The following COA1 variants were observed in gnomAD, a reference collection of about 807,000 sequenced individuals.
The protein encoded by COA1 is cytochrome c oxidase assembly factor 1 homolog.
A neutral mutation model predicts 16.0 loss-of-function variants in COA1; 13 were observed. The observed-to-expected ratio is 0.81, with a 90% CI of 0.53 to 1.29. The LOEUF (loss-of-function observed/expected upper bound fraction) is 1.29. Ranked by LOEUF, COA1 falls within the 50% of genes most tolerant of loss-of-function variation. The pLI is 0.00. For missense variants in COA1, 179 were observed against 177.0 expected, an observed-to-expected ratio of 1.01 and a Z score of -0.06; for synonymous variants, 65 against 65.7, an observed-to-expected ratio of 0.99 and a Z score of 0.05.
intron 1 of COA1, among the ~76,000 whole-genome samples, chr7:43,678,826 G>A (rs1399969378): frequency 2.6e-5 from 4 of 152,308 alleles, no homozygotes; most frequent in African/African-American, 7.2e-5. Context: ...TGGCTAGAAT[G>A]TGGAGAAACT....
chr7:43,724,232 C>T (rs1012647469), intron 1 of COA1, among the ~76,000 whole-genome samples: 19 of 152,026 alleles, frequency 1.2e-4, no homozygotes, highest in Non-Finnish European at 2.9e-5. Flanking sequence ...TCCAGCAATT[C>T]CACTTCTGGA....
intron 1 of COA1, among the ~76,000 whole-genome samples, chr7:43,693,205 C>A (rs2094430918): frequency 6.6e-6 from 1 of 152,094 alleles, no homozygotes; most frequent in Non-Finnish European, 1.5e-5. Context: ...ACTGCCATTT[C>A]CAAATCACTA....
rs779666717 is a variant in COA1, at chr7:43,639,434, T to C, written c.*148A>G. 52 of 580,770 alleles carry C rather than the reference T, an allele frequency of 9.0e-5. No individual in the cohort carries two copies. Among genetic ancestry groups the C allele is most frequent in the Non-Finnish European group, 1.4e-4 (44 of 319,924 alleles). The allele number at this position is 580,770 out of a possible 1,614,324, so 36.0% of individuals were successfully genotyped here. On this transcript the variant is annotated 3_prime_UTR_variant, in exon 6 of 6. Transcript: ENST00000223336. ...AGTTAGAATTACACCAAAATTACCA[T>C]GTGCTGGCACATACCATCATCCCAC...
rs1259501360 is a variant in COA1, at chr7:43,691,361, GAGGGAGGGAGGGAGGGAGGAAGGAAGGA to G, written c.-39+38040_-39+38067del. ...AGAGAGAGGGAGGGAGGGAGGGAGG[GAGGGAGGGAGGGAGGGAGGAAGGAAGGA>G]AGGAAGGAAGGAAGGAAGGAAGGAA... On this transcript the variant is annotated intron_variant, in intron 1 of 5. Transcript: ENST00000223336. Among the ~76,000 whole-genome samples the G allele has an allele frequency of 2.6e-3, 173 of 65,886 alleles. 5 individuals are homozygous for G. Among genetic ancestry groups the G allele is most frequent in the African/African-American group, 0.011 (159 of 13,976 alleles). 43.2% of individuals were successfully genotyped at this position (65,886 alleles called of 152,430 possible).
chr7:43,710,375 A>AAAAAAATAT (rs761592421), intron 1 of COA1, among the ~76,000 whole-genome samples: 3 of 36,446 alleles, frequency 8.2e-5, no homozygotes, highest in Non-Finnish European at 1.4e-4. Flanking sequence ...AAAAAAAAAA[A>AAAAAAATAT]ATATATATAT....
chr7:43,625,994 G>T (rs1398429923), intron 6 of COA1: 7 of 152,312 alleles, frequency 4.6e-5, no homozygotes, highest in African/African-American at 1.4e-4. Flanking sequence ...CAGTTCAGTT[G>T]TATCTATGCC....
At chr7:43,699,753 A>G (rs1296073717) in intron 1 of COA1, among the ~76,000 whole-genome samples, 2 of 152,204 alleles carry the variant, frequency 1.3e-5, no homozygotes, top group African/African-American at 4.8e-5. Context: ...AACTAGAGCT[A>G]TCTTAGAAGT....
At chr7:43,629,402 C>G (rs992101657) in intron 6 of COA1, among the ~76,000 whole-genome samples, 1 of 152,188 alleles carries the variant, frequency 6.6e-6, no homozygotes, top group Non-Finnish European at 1.5e-5. Flanking sequence ...TCATCCAATC[C>G]ATAAACATGT....
chr7:43,693,454 G>T (rs1462628002), intron 1 of COA1, among the ~76,000 whole-genome samples: 2 of 151,946 alleles, frequency 1.3e-5, no homozygotes, highest in East Asian at 1.9e-4. Flanking sequence ...CTTGACCTCG[G>T]CGGTTCATTC....
intron 1 of COA1, among the ~76,000 whole-genome samples, chr7:43,704,656 T>C (rs1100405): frequency 0.71 from 107,632 of 152,060 alleles, 38,584 homozygotes; most frequent in African/African-American, 0.84. Context: ...TTTTCATTTC[T>C]GGAAGTTCAG....
At position 43,612,329 on chromosome 7, in the gene COA1, A is replaced by T. The variant is rs114682754; in HGVS notation, c.*134-2834T>A. The stretch of plus-strand genomic sequence containing the variant: ...TAGAGATGGGGTTGGTATGGCAACC[A>T]TGCATGCGGGAGTGATTTCTACTAA... On this transcript the variant is annotated intron_variant and NMD_transcript_variant, in intron 6 of 6. Coordinates refer to the COA1 transcript ENST00000415076. 2.2e-3 allele frequency among the ~76,000 whole-genome samples: 331 copies of T among 152,312 alleles called. 2 individuals carry two copies. The highest frequency in any genetic ancestry group is 7.7e-3 in the African/African-American group (319 of 41,572).
chr7:43,616,460 A>C (rs1291492608), intron 6 of COA1, among the ~76,000 whole-genome samples: 1 of 152,222 alleles, frequency 6.6e-6, no homozygotes, highest in African/African-American at 2.4e-5. Context: ...GTGACAAAAG[A>C]GTAATCAGTA....
At chr7:43,668,183 A>G (rs1454165868) in intron 1 of COA1, among the ~76,000 whole-genome samples, 1 of 152,232 alleles carries the variant, frequency 6.6e-6, no homozygotes, top group Non-Finnish European at 1.5e-5. Flanking sequence ...CCATGAACAG[A>G]GATCTTAACC....
intron 6 of COA1, chr7:43,623,515 G>T (rs2084142747): frequency 1.3e-6 from 2 of 1,493,244 alleles, no homozygotes; most frequent in Non-Finnish European, 1.8e-6. Context: ...ATCTCTTAGA[G>T]CAAATTAGGA....
Position 43,702,208 on chromosome 7 carries a change from C to A in COA1, c.-39+27221G>T, listed in dbSNP as rs76084136. Among the ~76,000 whole-genome samples, 89 of 152,182 alleles carry A rather than the reference C, an allele frequency of 5.8e-4. No individual in the cohort carries two copies. In the Middle Eastern group the frequency reaches 0.024, roughly 41 times the overall value. The stretch of plus-strand genomic sequence containing the variant: ...CTACGACATAACTGTCCTAGGTATT[C>A]TTCTAAAGTTTTTATAGTTTTAGAT... On this transcript the variant is annotated intron_variant, in intron 1 of 5. Transcript: ENST00000223336.
intron 1 of COA1, among the ~76,000 whole-genome samples, chr7:43,690,483 A>G (rs1341101773): frequency 6.6e-6 from 1 of 152,198 alleles, no homozygotes; most frequent in Non-Finnish European, 1.5e-5. Context: ...ACACACATAC[A>G]TATATACACC....
chr7:43,728,121 C>G (rs541164926), intron 1 of COA1, among the ~76,000 whole-genome samples: 65 of 152,178 alleles, frequency 4.3e-4, no homozygotes, highest in African/African-American at 1.5e-3. Context: ...ACTACAGGCT[C>G]CCGCCACCAC....
chr7:43,623,731 G>T (rs1410381522), intron 6 of COA1: 3 of 1,606,944 alleles, frequency 1.9e-6, no homozygotes, highest in Admixed American at 3.4e-5. Flanking sequence ...GTTAACATAT[G>T]TCATGCTTAC....
intron 6 of COA1, among the ~76,000 whole-genome samples, chr7:43,628,272 G>T (rs554335911): frequency 9.2e-5 from 14 of 152,252 alleles, no homozygotes; most frequent in Admixed American, 3.3e-4. Context: ...GATTACAGGC[G>T]TGAGCCACCA....
Sources: gnomAD v4.1 joint callset for allele counts (sites outside exome capture counted in the v4.1 genomes callset) on GRCh38, gnomAD v4.1.1 for gene constraint, MANE v1.5 for transcripts, NCBI Gene and HGNC (gene_info 2026-07-23, HGNC 2026-07-21) for gene names.